KIF4A: variants seen among roughly 807,000 people sequenced by gnomAD.
KIF4A encodes the protein kinesin family member 4A.
Under a neutral mutation model 105.9 loss-of-function variants are expected in KIF4A, and 7 were observed. The ratio of observed to expected loss-of-function variants is 0.07; its 90% CI spans 0.04 to 0.12. The LOEUF (loss-of-function observed/expected upper bound fraction) is 0.12. Among genes scored for constraint, KIF4A ranks in the 10% least tolerant of loss-of-function variants. The probability of loss-of-function intolerance (pLI) is 1.00; values close to 1 mark genes in which losing one functional copy is unlikely to be tolerated. For missense variants in KIF4A, 558 were observed against 929.2 expected (o/e 0.60, Z 5.19); for synonymous variants, 281 against 331.3 (o/e 0.85, Z 1.65).
chrX:70,344,670 C>T (rs1602759407), intron 13 of KIF4A, among the ~76,000 whole-genome samples: 1 of 111,850 alleles, frequency 8.9e-6, no homozygotes. Flanking sequence ...GTTCTGTCTA[C>T]ACTCTGTTGT....
At chrX:70,334,006 A>G (rs187167417) in intron 10 of KIF4A, among the ~76,000 whole-genome samples, 1 of 111,916 alleles carries the variant, frequency 8.9e-6, no homozygotes, top group Admixed American at 9.4e-5. Context: ...AACATCCAGT[A>G]CTATTATTTG....
intron 20 of KIF4A, among the ~76,000 whole-genome samples, chrX:70,389,431 G>T (rs753319423): frequency 8.9e-6 from 1 of 111,893 alleles, no homozygotes; most frequent in Non-Finnish European, 1.9e-5. Flanking sequence ...AGTTGTGCAC[G>T]GTGGTGTGCG....
At position 70,374,764 on chromosome X, in the gene KIF4A, A is replaced by T. The variant is rs552692576; in HGVS notation, c.1779-440A>T. Among the ~76,000 whole-genome samples, 159 of 111,918 alleles carry T rather than the reference A, an allele frequency of 1.4e-3. 2 individuals are homozygous for T. The South Asian group carries it at 0.056, about 40-fold the overall frequency. ...ACCATAACATCCTACTCTCCTTCAG[A>T]CCTCTGCCGTATGGGCTATCCTACC... On this transcript the variant is annotated intron_variant, in intron 16 of 30. Transcript: ENST00000374403.
At position 70,386,084 on chromosome X, in the gene KIF4A, G is replaced by C. The variant is rs147675761; in HGVS notation, c.2035-534G>C. On this transcript the variant is annotated intron_variant, in intron 18 of 30. Coordinates refer to ENST00000374403, the MANE Select transcript of KIF4A (RefSeq NM_012310.5). ...CCATCTTTATGTCCGTGTGTACCCA[G>C]GTTAACCTTGTTTTTTTCAAAAATG... 3.1e-3 allele frequency among the ~76,000 whole-genome samples: 340 copies of C among 109,657 alleles called. 2 individuals are homozygous for C. The highest frequency in any genetic ancestry group is 0.011 in the African/African-American group (331 of 30,186).
At chrX:70,338,495 G>A (rs1256456626) in intron 10 of KIF4A, among the ~76,000 whole-genome samples, 1 of 111,814 alleles carries the variant, frequency 8.9e-6, no homozygotes, top group Non-Finnish European at 1.9e-5. Flanking sequence ...CCTTTCTTGC[G>A]TAATAGTACT....
Position 70,343,748 on chromosome X carries a change from A to C in KIF4A, c.1312A>C (p.Arg438=). The C allele has an allele frequency of 3.3e-6, 4 of 1,211,538 alleles. No individual in the cohort carries two copies. The highest frequency in any genetic ancestry group is 4.5e-6 in the Non-Finnish European group (4 of 895,095). ...EKMNAKLEEL[R]QHAACKLDLQ... ...AATGAACGCCAAGCTAGAAGAGCTC[A>C]GGCAGCATGCGGCGTAAGTTGCCCA... is the stretch of plus-strand genomic sequence containing the variant. Residue 438 remains arginine, a synonymous_variant, in exon 12 of 31, where the codon AGG becomes CGG. Transcript: ENST00000374403.
In KIF4A at chrX:70,301,992, G is replaced by A. The variant is rs901159564; in HGVS notation, c.609G>A (p.Thr203=). 8.3e-6 allele frequency: 10 copies of A among 1,210,051 alleles called. No individual in the cohort carries two copies. Among genetic ancestry groups the A allele is most frequent in the East Asian group, 3.0e-5 (1 of 33,778 alleles). The change falls in exon 6 of 31, where the codon ACG becomes ACA. Residue 203 remains threonine (T), a synonymous_variant. Transcript: ENST00000374403. The stretch of plus-strand genomic sequence containing the variant: ...ACAACTCTAGGACTGTGGCCTCCAC[G>A]GCTATGAACTCCCAGTCGTCCCGAT... ...QGNNSRTVAS[T]AMNSQSSRSH...
intron 15 of KIF4A, among the ~76,000 whole-genome samples, chrX:70,357,270 C>T (rs1398528060): frequency 8.9e-5 from 10 of 111,840 alleles, no homozygotes; most frequent in African/African-American, 2.9e-4. Context: ...GCCGAGATCA[C>T]GCCACTGCAC....
At chrX:70,373,362 G>A (rs1303164696) in intron 15 of KIF4A, among the ~76,000 whole-genome samples, 7 of 89,826 alleles carry the variant, frequency 7.8e-5, no homozygotes, top group Non-Finnish European at 1.3e-4. Flanking sequence ...GGGAGGGAGG[G>A]AAAAGAAAAG....
chrX:70,391,954 T>TC (rs2147732079), intron 20 of KIF4A, among the ~76,000 whole-genome samples: 1 of 75,247 alleles, frequency 1.3e-5, no homozygotes, highest in Admixed American at 1.6e-4. Flanking sequence ...GTGATTTTGT[T>TC]CTTTTTTTTA....
intron 7 of KIF4A, among the ~76,000 whole-genome samples, chrX:70,326,042 G>A (rs944012012): frequency 6.3e-5 from 7 of 110,948 alleles, no homozygotes; most frequent in Middle Eastern, 4.7e-3. Context: ...ATCCCCTATC[G>A]CTGGTTGCCT....
intron 18 of KIF4A, among the ~76,000 whole-genome samples, chrX:70,382,111 G>A (rs913105533): frequency 3.6e-5 from 4 of 112,220 alleles, no homozygotes; most frequent in African/African-American, 9.7e-5. Context: ...TAGAACAACC[G>A]GGTAGTCATA....
chrX:70,353,534 G>A, intron 14 of KIF4A, 88 bp from the exon 15 acceptor site: 2 of 772,333 alleles, frequency 2.6e-6, no homozygotes, highest in East Asian at 3.3e-5. Flanking sequence ...TGTTAATGGA[G>A]AAGTGCCTGT....
chrX:70,371,615 C>T (rs1392646843), intron 15 of KIF4A, among the ~76,000 whole-genome samples: 1 of 106,682 alleles, frequency 9.4e-6, no homozygotes, highest in East Asian at 3.1e-4. Flanking sequence ...CTGACCCCCC[C>T]ACCTCCCTCC....
chrX:70,318,404 A>G (rs955199476), intron 7 of KIF4A, among the ~76,000 whole-genome samples: 3 of 111,701 alleles, frequency 2.7e-5, no homozygotes, highest in African/African-American at 9.8e-5. Context: ...ATTTGTCTGT[A>G]CCACTATTCT....
intron 18 of KIF4A, among the ~76,000 whole-genome samples, chrX:70,384,797 A>G (rs1157164550): frequency 9.1e-6 from 1 of 110,403 alleles, no homozygotes; most frequent in Admixed American, 9.7e-5. Flanking sequence ...CAGAGAATAT[A>G]TAGAAAAAGA....
In KIF4A at chrX:70,290,434, G is replaced by T. The variant is rs1479882620; in HGVS notation, c.-21-4G>T. The T allele has an allele frequency of 8.4e-7, 1 of 1,196,894 alleles. No individual in the cohort carries two copies. The highest frequency in any genetic ancestry group is 1.1e-6 in the Non-Finnish European group (1 of 888,531). On this transcript the variant is annotated splice_region_variant and splice_polypyrimidine_tract_variant and intron_variant, in intron 1 of 30. Coordinates refer to ENST00000374403, the MANE Select transcript of KIF4A (RefSeq NM_012310.5). Reference sequence around the variant, plus strand: ...TCAGCGAGCCTTCTTTTTCCCCCTCGCAGAGACGGTGCTGAGATAGGATCA... The same window carrying T: ...TCAGCGAGCCTTCTTTTTCCCCCTCTCAGAGACGGTGCTGAGATAGGATCA...
At chrX:70,370,319 G>A (rs908310999) in intron 15 of KIF4A, among the ~76,000 whole-genome samples, 2 of 110,299 alleles carry the variant, frequency 1.8e-5, no homozygotes, top group Non-Finnish European at 3.8e-5. Flanking sequence ...GCTTACTTCT[G>A]GAGGGGGACT....
chrX:70,342,078 G>C (rs1195299070), intron 11 of KIF4A, 147 bp downstream of exon 11: 2 of 746,760 alleles, frequency 2.7e-6, no homozygotes, highest in African/African-American at 4.3e-5. Flanking sequence ...GCCCCTCTGG[G>C]GTAAATATGT....
Sources: allele counts gnomAD v4.1 joint callset (sites outside exome capture counted in the v4.1 genomes callset), GRCh38; gene constraint gnomAD v4.1.1; transcripts MANE v1.5; gene names NCBI Gene and HGNC (gene_info 2026-07-23, HGNC 2026-07-21).